Variants in LRRTM3 observed in about 807,000 individuals in gnomAD.
LRRTM3 encodes leucine rich repeat transmembrane neuronal 3.
Under a neutral mutation model 44.7 loss-of-function variants are expected in LRRTM3, and 24 were observed. That is an observed-to-expected ratio of 0.54 (90% CI 0.39 to 0.76). The LOEUF is 0.76. LRRTM3 is among the 30% of genes least tolerant of loss of function. LRRTM3 has a pLI of 0.00. For synonymous variants in LRRTM3, 277 were observed against 278.7 expected, an observed-to-expected ratio of 0.99 and a Z score of 0.06; for missense variants, 587 against 702.2, an observed-to-expected ratio of 0.84 and a Z score of 1.85.
Position 66,927,353 on chromosome 10 carries a change from A to G in LRRTM3, c.437A>G (p.His146Arg), listed in dbSNP as rs1178998732. 3.7e-6 allele frequency: 6 copies of G among 1,614,060 alleles called. No homozygotes were observed. Among genetic ancestry groups the G allele is most frequent in the Non-Finnish European group, 3.4e-6 (4 of 1,180,036 alleles). ...TTGGATCTGTCCTATAATCAGCTGCATTCTCTGGGATCTGAACAGTTTCGG... is the reference window on the plus strand; with the variant it reads ...TTGGATCTGTCCTATAATCAGCTGCGTTCTCTGGGATCTGAACAGTTTCGG... ...RNLDLSYNQLHSLGSEQFRGL... is the reference protein window; with the variant it reads ...RNLDLSYNQLRSLGSEQFRGL... The change falls in exon 2 of 3, where the codon CAT becomes CGT. Residue 146 changes from histidine to arginine, a missense_variant. By Grantham distance (29) the His-to-Arg change is conservative. This residue lies in a region of LRRTM3 where 222 missense variants were observed against 323.3 expected (regional missense o/e 0.69). Coordinates refer to ENST00000361320, the MANE Select transcript of LRRTM3 (RefSeq NM_178011.5). This position sits in a 1 kb window ranked among gnomAD's most constrained non-coding sequence, Gnocchi z 4.7.
chr10:66,952,670 G>A (rs1328080503), intron 2 of LRRTM3, among the ~76,000 whole-genome samples: 1 of 151,862 alleles, frequency 6.6e-6, no homozygotes, highest in Admixed American at 6.6e-5. Flanking sequence ...GGTAAATTGA[G>A]GATCTCTCTG....
At chr10:67,070,364 T>C (rs1476017070) in intron 2 of LRRTM3, among the ~76,000 whole-genome samples, 1 of 152,192 alleles carries the variant, frequency 6.6e-6, no homozygotes, top group East Asian at 1.9e-4. Flanking sequence ...TTCATTCTCT[T>C]AATGGTATGT....
chr10:67,029,466 G>A (rs1230481279), intron 2 of LRRTM3, among the ~76,000 whole-genome samples: 1 of 152,088 alleles, frequency 6.6e-6, no homozygotes, highest in Non-Finnish European at 1.5e-5. Context: ...ACTGTCTTAG[G>A]AAAAGCATGA....
At chr10:66,940,266 G>A (rs902336515) in intron 2 of LRRTM3, among the ~76,000 whole-genome samples, 1 of 152,128 alleles carries the variant, frequency 6.6e-6, no homozygotes, top group African/African-American at 2.4e-5. Flanking sequence ...TTGGGAGGCC[G>A]AGGCAAGGAG....
chr10:66,942,782 T>C (rs192540049), intron 2 of LRRTM3, among the ~76,000 whole-genome samples: 1 of 152,296 alleles, frequency 6.6e-6, no homozygotes, highest in East Asian at 1.9e-4. Context: ...TTAGTAACTA[T>C]TACATTTCTA....
chr10:67,071,381 T>C (rs560900911), intron 2 of LRRTM3, among the ~76,000 whole-genome samples: 3 of 151,298 alleles, frequency 2.0e-5, no homozygotes, highest in Admixed American at 1.3e-4. Flanking sequence ...TTTCAATAGA[T>C]ATATTTGTAT....
chr10:67,087,216 A>G (rs905236315), intron 2 of LRRTM3, among the ~76,000 whole-genome samples: 9 of 152,042 alleles, frequency 5.9e-5, no homozygotes, highest in Non-Finnish European at 8.8e-5. Context: ...ATCACTTTTC[A>G]TTGGCACTAC....
chr10:66,987,380 G>A (rs1214372191), intron 2 of LRRTM3, among the ~76,000 whole-genome samples: 2 of 152,134 alleles, frequency 1.3e-5, no homozygotes, highest in African/African-American at 4.8e-5. Context: ...TATATTTGAA[G>A]GTAGAGGTGA....
At chr10:67,079,779 C>T (rs571220866) in intron 2 of LRRTM3, among the ~76,000 whole-genome samples, 8 of 151,500 alleles carry the variant, frequency 5.3e-5, no homozygotes, top group Non-Finnish European at 7.4e-5. Context: ...ACCCGGGAGG[C>T]GGATGTTGCA....
intron 2 of LRRTM3, among the ~76,000 whole-genome samples, chr10:66,972,307 C>T (rs1849764101): frequency 6.6e-6 from 1 of 152,068 alleles, no homozygotes; most frequent in South Asian, 2.1e-4. Flanking sequence ...ATTTATTATA[C>T]TATATATAGC....
At chr10:67,043,844 TTC>T (rs1439226201) in intron 2 of LRRTM3, among the ~76,000 whole-genome samples, 2 of 151,870 alleles carry the variant, frequency 1.3e-5, no homozygotes, top group African/African-American at 4.8e-5. Context: ...CTACTTTTTT[TTC>T]TGTTTACTTC....
chr10:66,928,393 A>G lies in LRRTM3; in HGVS notation c.1477A>G (p.Met493Val). The change falls in exon 2 of 3, where the codon ATG (methionine) becomes GTG (valine). Residue 493 changes from methionine to valine, a missense_variant. Physicochemically the swap from Met to Val is conservative, Grantham distance 21. Around this residue, in one of 3 missense-constraint regions of LRRTM3, gnomAD observed 315 missense variants for 335.6 expected, o/e 0.94. Transcript: ENST00000361320. Reference protein sequence around the residue: ...YKPTNTETSEMLLNGTGPCTY... With the variant: ...YKPTNTETSEVLLNGTGPCTY... ...ACCCACCAACACGGAGACCAGCGAGATGCTGCTGAATGGGACGGGACCCTG... is the reference window on the plus strand; with the variant it reads ...ACCCACCAACACGGAGACCAGCGAGGTGCTGCTGAATGGGACGGGACCCTG... 6.2e-7 allele frequency: 1 copy of G among 1,614,186 alleles called. No individual in the cohort carries two copies. Among genetic ancestry groups the G allele is most frequent in the Non-Finnish European group, 8.5e-7 (1 of 1,180,020 alleles).
At chr10:67,076,922 T>C (rs138336523) in intron 2 of LRRTM3, among the ~76,000 whole-genome samples, 56 of 152,334 alleles carry the variant, frequency 3.7e-4, no homozygotes, top group African/African-American at 9.6e-4. Context: ...GACATCTCCA[T>C]TGGACTATGT....
At chr10:66,995,064 C>T (rs1048872586) in intron 2 of LRRTM3, among the ~76,000 whole-genome samples, 1 of 152,148 alleles carries the variant, frequency 6.6e-6, no homozygotes, top group African/African-American at 2.4e-5. Flanking sequence ...AGATCTCTAG[C>T]CCAAGATGTG....
intron 2 of LRRTM3, among the ~76,000 whole-genome samples, chr10:67,043,132 T>C (rs1854508093): frequency 3.7e-5 from 2 of 53,610 alleles, no homozygotes; most frequent in Non-Finnish European, 5.0e-5. Context: ...GCTCACTTTC[T>C]TTCTTTTTTT....
intron 2 of LRRTM3, among the ~76,000 whole-genome samples, chr10:66,955,667 A>C (rs929473753): frequency 2.6e-5 from 4 of 152,194 alleles, no homozygotes; most frequent in Non-Finnish European, 5.9e-5. Flanking sequence ...AGAATTTATA[A>C]GAGCAAGACT....
At position 67,020,585 on chromosome 10, in the gene LRRTM3, C is replaced by A. The variant is rs1852942891; in HGVS notation, c.1537-77002C>A. Among the ~76,000 whole-genome samples the A allele has an allele frequency of 4.6e-5, 7 of 152,186 alleles. No homozygotes were observed. The South Asian group carries it at 1.2e-3, about 27-fold the overall frequency. ...TTACTAAATTTTGTTATGTCTTATC[C>A]ACTGTATTGGGCACTGTAGAGAATC... On this transcript the variant is annotated intron_variant, in intron 2 of 2. Coordinates refer to ENST00000361320, the MANE Select transcript of LRRTM3 (RefSeq NM_178011.5).
chr10:66,938,142 T>C (rs1275967993), intron 2 of LRRTM3, among the ~76,000 whole-genome samples: 1 of 152,190 alleles, frequency 6.6e-6, no homozygotes, highest in Non-Finnish European at 1.5e-5. Flanking sequence ...ATCAACCTTA[T>C]ATTTCTTTGT....
chr10:67,041,852 T>C (rs1453234918), intron 2 of LRRTM3, among the ~76,000 whole-genome samples: 3 of 152,134 alleles, frequency 2.0e-5, no homozygotes. Flanking sequence ...CAGGTTAAGA[T>C]AGGAAATAAG....
Sources: gnomAD v4.1 joint callset for allele counts (sites outside exome capture counted in the v4.1 genomes callset) on GRCh38, gnomAD v4.1.1 for gene constraint, gnomAD v4.1.1 regional missense constraint, Gnocchi (gnomAD v3.1) non-coding constraint, MANE v1.5 for transcripts, NCBI Gene and HGNC (gene_info 2026-07-23, HGNC 2026-07-21) for gene names.